The following WWOX variants were observed in gnomAD, a reference collection of about 807,000 sequenced individuals.
WWOX encodes the protein WW domain-containing oxidoreductase.
WWOX carries 69 observed loss-of-function variants against 46.2 expected under a neutral mutation model. That is an observed-to-expected ratio of 1.49 (90% CI 1.23 to 1.82). The LOEUF (loss-of-function observed/expected upper bound fraction) is 1.82. Among genes scored for constraint, WWOX ranks in the 40% most tolerant of loss-of-function variants. The pLI is 0.00. For synonymous variants in WWOX, 359 were observed against 202.6 expected, an observed-to-expected ratio of 1.77 and a Z score of -6.56; for missense variants, 919 against 542.6, an observed-to-expected ratio of 1.69 and a Z score of -6.89.
chr16:78,120,223 G>C (rs1370035847), intron 4 of WWOX, among the ~76,000 whole-genome samples: 1 of 152,086 alleles, frequency 6.6e-6, no homozygotes, highest in Non-Finnish European at 1.5e-5. Context: ...TAAAAAGTAC[G>C]TGCTCAAGGT....
intron 8 of WWOX, among the ~76,000 whole-genome samples, chr16:78,649,665 C>T (rs780453980): frequency 1.3e-5 from 2 of 152,234 alleles, no homozygotes; most frequent in African/African-American, 2.4e-5. Context: ...TTACTTATGA[C>T]TCTGCCCCCT....
At chr16:79,155,243 G>C (rs1281424617) in intron 8 of WWOX, among the ~76,000 whole-genome samples, 1 of 152,180 alleles carries the variant, frequency 6.6e-6, no homozygotes, top group Non-Finnish European at 1.5e-5. Context: ...GGGCATGGTG[G>C]CGTGTGCCTG....
intron 8 of WWOX, among the ~76,000 whole-genome samples, chr16:79,208,093 T>G (rs981924293): frequency 6.6e-6 from 1 of 152,230 alleles, no homozygotes; most frequent in Non-Finnish European, 1.5e-5. Flanking sequence ...GAATGATGAA[T>G]CCTTATTACC....
intron 5 of WWOX, among the ~76,000 whole-genome samples, chr16:78,221,421 C>T (rs192216922): frequency 1.3e-5 from 2 of 152,182 alleles, no homozygotes; most frequent in Admixed American, 6.5e-5. Flanking sequence ...GGAGTTAGTA[C>T]GTTACTTTAA....
At chr16:78,421,059 T>C (rs368394315) in intron 6 of WWOX, among the ~76,000 whole-genome samples, 11 of 152,158 alleles carry the variant, frequency 7.2e-5, no homozygotes, top group African/African-American at 2.4e-4. Context: ...TTTTATAATT[T>C]TAGTTGACAT....
chr16:78,654,819 A>G (rs1258292045), intron 8 of WWOX, among the ~76,000 whole-genome samples: 2 of 151,634 alleles, frequency 1.3e-5, no homozygotes, highest in African/African-American at 4.8e-5. Context: ...TTGGAAATAG[A>G]CCAGTGATTC....
intron 8 of WWOX, among the ~76,000 whole-genome samples, chr16:79,083,406 C>T (rs1188643815): frequency 2.0e-5 from 3 of 152,192 alleles, no homozygotes; most frequent in African/African-American, 7.2e-5. Flanking sequence ...CCACAGTCAA[C>T]AGAGCTTCCC....
At chr16:78,263,298 A>C (rs1298702430) in intron 5 of WWOX, among the ~76,000 whole-genome samples, 2 of 152,104 alleles carry the variant, frequency 1.3e-5, no homozygotes, top group African/African-American at 4.8e-5. Context: ...CAAAGTTCCA[A>C]TCAGTGCCCA....
At chr16:78,742,264 T>C (rs1433391548) in intron 8 of WWOX, among the ~76,000 whole-genome samples, 1 of 152,146 alleles carries the variant, frequency 6.6e-6, no homozygotes, top group Non-Finnish European at 1.5e-5. Context: ...ATCAAGGCAG[T>C]TTGGAGACCA....
At chr16:78,186,093 A>T (rs532575276) in intron 5 of WWOX, among the ~76,000 whole-genome samples, 5 of 152,324 alleles carry the variant, frequency 3.3e-5, no homozygotes, top group Admixed American at 1.3e-4. Context: ...TGAGCTGTTG[A>T]TATAAAATAA....
At chr16:78,847,079 G>T (rs1351373467) in intron 8 of WWOX, among the ~76,000 whole-genome samples, 1 of 152,040 alleles carries the variant, frequency 6.6e-6, no homozygotes, top group Non-Finnish European at 1.5e-5. Context: ...TTATTTTTTG[G>T]CACTGTAAGA....
rs11289222 is a variant in WWOX at position 78,333,043 on chromosome 16, C to CTTT, written c.517-53795_517-53793dup. Among the ~76,000 whole-genome samples the CTTT allele has an allele frequency of 3.4e-3, 195 of 57,100 alleles. 13 individuals carry two copies. The highest frequency in any genetic ancestry group is 7.9e-3 in the African/African-American group (147 of 18,498). The allele number at this position is 57,100 out of a possible 152,430, so 37.5% of individuals were successfully genotyped here. A position where few individuals can be genotyped will look rare whatever the true frequency, so the allele number is the denominator to read the frequency against. On this transcript the variant is annotated intron_variant, in intron 5 of 8. Coordinates refer to ENST00000566780, the MANE Select transcript of WWOX (RefSeq NM_016373.4). ...CTGAGTAGCATGGAAGAGCATTATA[C>CTTT]TTTTTTTTTTTTTTTTTTTTTTTTG...
At position 78,229,472 on chromosome 16, in the gene WWOX, C is replaced by CTCTA. The variant is rs201628661; in HGVS notation, c.516+65184_516+65185insCTAT. On this transcript the variant is annotated intron_variant, in intron 5 of 8. Coordinates refer to ENST00000566780, the MANE Select transcript of WWOX (RefSeq NM_016373.4). Reference sequence around the variant, plus strand: ...TAGATTTTTTCTGTTTTATCTCTCTCTATATGTATATCTGTATATATATTT... The same window carrying CTCTA: ...TAGATTTTTTCTGTTTTATCTCTCTCTCTATATATGTATATCTGTATATATATTT... 9.0e-3 allele frequency among the ~76,000 whole-genome samples: 1,308 copies of CTCTA among 145,032 alleles called. 28 individuals are homozygous for CTCTA. The highest frequency in any genetic ancestry group is 0.042 in the East Asian group (209 of 5,006).
chr16:78,704,351 C>G (rs1038478137), intron 8 of WWOX, among the ~76,000 whole-genome samples: 1 of 152,142 alleles, frequency 6.6e-6, no homozygotes, highest in African/African-American at 2.4e-5. Context: ...CCTCCCTTCC[C>G]TTCTCATTCA....
intron 8 of WWOX, among the ~76,000 whole-genome samples, chr16:78,733,407 A>G (rs999031138): frequency 3.3e-5 from 5 of 152,002 alleles, no homozygotes; most frequent in East Asian, 1.9e-4. Flanking sequence ...GTGAGCTACA[A>G]TCATACCACT....
intron 5 of WWOX, among the ~76,000 whole-genome samples, chr16:78,195,712 G>C (rs914100773): frequency 3.3e-5 from 5 of 150,614 alleles, no homozygotes; most frequent in African/African-American, 9.7e-5. Context: ...ATCCCAGCTA[G>C]TTGGGAGGCT....
intron 8 of WWOX, chr16:79,016,896 T>C (rs2047424980): frequency 1.3e-5 from 2 of 152,170 alleles, no homozygotes. Context: ...TCTTATTATG[T>C]TTTCCAAAAT....
At chr16:79,171,038 A>G (rs1218989018) in intron 8 of WWOX, among the ~76,000 whole-genome samples, 1 of 152,258 alleles carries the variant, frequency 6.6e-6, no homozygotes, top group Non-Finnish European at 1.5e-5. Flanking sequence ...TAGTCAGCCT[A>G]GAGAAGTGAA....
At chr16:78,898,704 A>C (rs1292723253) in intron 8 of WWOX, 1 of 152,110 alleles carries the variant, frequency 6.6e-6, no homozygotes, top group Non-Finnish European at 1.5e-5. Flanking sequence ...CAATTTGAGG[A>C]GGATCAAAAT....
Sources: allele counts gnomAD v4.1 joint callset (sites outside exome capture counted in the v4.1 genomes callset), GRCh38; gene constraint gnomAD v4.1.1; transcripts MANE v1.5; gene names NCBI Gene and HGNC (gene_info 2026-07-23, HGNC 2026-07-21).